Variants in PDZRN3 observed in about 807,000 individuals in gnomAD.
The protein encoded by PDZRN3 is PDZ domain containing ring finger 3, also known as E3 ubiquitin-protein ligase PDZRN3.
PDZRN3 carries 38 observed loss-of-function variants against 85.7 expected under a neutral mutation model. The observed-to-expected ratio is 0.44, with a 90% CI of 0.34 to 0.58. The LOEUF (loss-of-function observed/expected upper bound fraction) is 0.58, where lower values mean the gene tolerates loss of function less well. Ranked by LOEUF, PDZRN3 falls within the 20% of genes least tolerant of loss-of-function variation. The pLI is 0.01. For synonymous variants in PDZRN3, 759 were observed against 638.0 expected, an observed-to-expected ratio of 1.19 and a Z score of -2.86; for missense variants, 1,629 against 1,506.4, an observed-to-expected ratio of 1.08 and a Z score of -1.35.
chr3:73,392,906 C>T (rs1339967971), intron 5 of PDZRN3, among the ~76,000 whole-genome samples: 1 of 151,916 alleles, frequency 6.6e-6, no homozygotes, highest in Non-Finnish European at 1.5e-5. Flanking sequence ...ATTTGCATAC[C>T]ACAAATATAC....
chr3:73,401,182 T>C (rs918644070), intron 4 of PDZRN3, 173 bp from the exon 5 acceptor site: 7 of 566,500 alleles, frequency 1.2e-5, no homozygotes, highest in Non-Finnish European at 2.2e-5. Flanking sequence ...ATCATCCTAA[T>C]TTTACCATTT....
At chr3:73,556,413 A>G (rs888916866) in intron 3 of PDZRN3, among the ~76,000 whole-genome samples, 1 of 152,168 alleles carries the variant, frequency 6.6e-6, no homozygotes, top group African/African-American at 2.4e-5. Context: ...CACCCAAAAA[A>G]GAGCTACCAA....
chr3:73,620,584 T>G (rs1702842292), intron 1 of PDZRN3, among the ~76,000 whole-genome samples: 1 of 151,006 alleles, frequency 6.6e-6, no homozygotes. Flanking sequence ...TTTTTTTGTT[T>G]TTTTTTTTTT....
In PDZRN3 at chr3:73,491,280, A is replaced by G. The variant is rs116444943; in HGVS notation, c.919-86885T>C. 7.4e-3 allele frequency among the ~76,000 whole-genome samples: 1,133 copies of G among 152,172 alleles called. 8 individuals carry two copies. Among genetic ancestry groups the G allele is most frequent in the African/African-American group, 0.026 (1,084 of 41,508 alleles). On this transcript the variant is annotated intron_variant, in intron 3 of 9. Transcript: ENST00000263666. ...CTAAGATTAGCCTATAAATGACTCA[A>G]TGGTTCACCAGGGGCCCCTTTCATG...
intron 2 of PDZRN3, among the ~76,000 whole-genome samples, chr3:73,603,400 A>G (rs1038801196): frequency 5.9e-5 from 9 of 152,318 alleles, no homozygotes; most frequent in East Asian, 3.9e-4. Context: ...AAAAACCCTC[A>G]CAGCTTGTTC....
Position 73,388,083 on chromosome 3 carries a change from A to T in PDZRN3, c.1417-14T>A. ...TATCCCATTAATCTTTTAAAAAAAA[A>T]GGGGGGGTGGGGAGAGTGGGGAGAC... On this transcript the variant is annotated splice_polypyrimidine_tract_variant and intron_variant, in intron 7 of 9. Transcript: ENST00000263666. The T allele has an allele frequency of 7.7e-6, 7 of 908,152 alleles. No individual in the cohort carries two copies. Among genetic ancestry groups the T allele is most frequent in the Admixed American group, 2.2e-5 (1 of 45,356 alleles). 56.3% of individuals were successfully genotyped at this position (908,152 alleles called of 1,614,324 possible).
intron 3 of PDZRN3, among the ~76,000 whole-genome samples, chr3:73,517,301 T>C (rs1282401409): frequency 6.6e-6 from 1 of 152,242 alleles, no homozygotes; most frequent in Non-Finnish European, 1.5e-5. Flanking sequence ...AATCACAGTT[T>C]CTTTTAAATT....
chr3:73,540,490 C>T (rs1210632606), intron 3 of PDZRN3, among the ~76,000 whole-genome samples: 1 of 152,136 alleles, frequency 6.6e-6, no homozygotes, highest in African/African-American at 2.4e-5. Flanking sequence ...CCCATCATCC[C>T]CACGTATTGT....
At chr3:73,620,021 A>C (rs1281447954) in intron 1 of PDZRN3, among the ~76,000 whole-genome samples, 1 of 152,214 alleles carries the variant, frequency 6.6e-6, no homozygotes, top group East Asian at 1.9e-4. Flanking sequence ...GTAGGTAGGT[A>C]GGTAGATGCC....
At position 73,404,109 on chromosome 3, in the gene PDZRN3, C is replaced by A. The variant is rs544932598; in HGVS notation, c.1166+39G>T. The A allele has an allele frequency of 2.3e-5, 37 of 1,576,852 alleles. No individual in the cohort carries two copies. The South Asian group carries it at 4.2e-4, about 18-fold the overall frequency. On this transcript the variant is annotated intron_variant, in intron 4 of 9. Coordinates refer to ENST00000263666, the MANE Select transcript of PDZRN3 (RefSeq NM_015009.3). ...AGAGAAAGAAACCAACTTGGAAATA[C>A]TTCTTAATGCATTAGGGGTTCAAGA...
chr3:73,481,811 G>T (rs914018942), intron 3 of PDZRN3, among the ~76,000 whole-genome samples: 6 of 152,062 alleles, frequency 3.9e-5, no homozygotes, highest in African/African-American at 7.2e-5. Flanking sequence ...GGACCTCAAC[G>T]ATTATTCAAT....
chr3:73,391,127 A>T lies in PDZRN3; in HGVS notation c.1255-11T>A, dbSNP rs754746230. On this transcript the variant is annotated splice_polypyrimidine_tract_variant and intron_variant, in intron 5 of 9. Coordinates refer to ENST00000263666, the MANE Select transcript of PDZRN3 (RefSeq NM_015009.3). ...GTAGAGGTCCACTTCCTAGACAAAG[A>T]AAGGCATTCCCAGTGAGACTCCAGC... The T allele has an allele frequency of 3.2e-6, 5 of 1,573,032 alleles. No homozygotes were observed. The highest frequency in any genetic ancestry group is 3.5e-6 in the Non-Finnish European group (4 of 1,143,304).
intron 3 of PDZRN3, chr3:73,569,127 C>T (rs1221134130): frequency 3.2e-6 from 4 of 1,260,996 alleles, no homozygotes; most frequent in South Asian, 2.5e-5. Flanking sequence ...AAATCACACA[C>T]CCCTTTTCAT....
At chr3:73,434,074 A>G (rs1223399646) in intron 3 of PDZRN3, 1 of 437,240 alleles carries the variant, frequency 2.3e-6, no homozygotes, top group African/African-American at 2.1e-5. Context: ...TTCATAACAG[A>G]CAATGATACA....
At chr3:73,535,200 A>C (rs761782532) in intron 3 of PDZRN3, among the ~76,000 whole-genome samples, 1 of 152,146 alleles carries the variant, frequency 6.6e-6, no homozygotes, top group African/African-American at 2.4e-5. Flanking sequence ...TGCTGACCCA[A>C]AATGGAAATG....
chr3:73,579,808 C>T (rs1702172328), intron 3 of PDZRN3, among the ~76,000 whole-genome samples: 3 of 151,980 alleles, frequency 2.0e-5, no homozygotes, highest in African/African-American at 7.2e-5. Context: ...GGGATCTATC[C>T]CATTATGTAT....
chr3:73,486,885 A>G (rs1703672791), intron 3 of PDZRN3, among the ~76,000 whole-genome samples: 1 of 152,234 alleles, frequency 6.6e-6, no homozygotes, highest in Non-Finnish European at 1.5e-5. Context: ...GGAGAGATAT[A>G]AATAAATCAA....
chr3:73,510,854 T>C (rs1373137715), intron 3 of PDZRN3, among the ~76,000 whole-genome samples: 1 of 152,150 alleles, frequency 6.6e-6, no homozygotes, highest in Non-Finnish European at 1.5e-5. Context: ...CAATATACTG[T>C]AATAAAAGTT....
At position 73,383,972 on chromosome 3, in the gene PDZRN3, T is replaced by G. The variant is rs372816700; in HGVS notation, c.2594A>C (p.His865Pro). ...LGSAYLPSYH[H>P]SPYKHAHIPA... Reference sequence around the variant, plus strand: ...GATGTGCGCGTGCTTGTATGGGGAGTGGTGATAGGAGGGCAGGTAGGCGCT... The same window carrying G: ...GATGTGCGCGTGCTTGTATGGGGAGGGGTGATAGGAGGGCAGGTAGGCGCT... Residue 865 changes from histidine (H) to proline (P), a missense_variant, in exon 10 of 10, where the codon CAC becomes CCC. Coordinates refer to ENST00000263666, the MANE Select transcript of PDZRN3 (RefSeq NM_015009.3). The G allele has an allele frequency of 3.8e-5, 61 of 1,593,138 alleles. No homozygotes were observed. The Admixed American group carries it at 1.0e-3, about 27-fold the overall frequency.
Sources: allele counts gnomAD v4.1 joint callset (sites outside exome capture counted in the v4.1 genomes callset), GRCh38; gene constraint gnomAD v4.1.1; transcripts MANE v1.5; gene names NCBI Gene and HGNC (gene_info 2026-07-23, HGNC 2026-07-21).